The following KCNT2 variants were observed in gnomAD, a reference collection of about 807,000 sequenced individuals.
KCNT2 encodes the protein potassium sodium-activated channel subfamily T member 2, also known as potassium channel subfamily T member 2.
Under a neutral mutation model 153.8 loss-of-function variants are expected in KCNT2, and 67 were observed. The ratio of observed to expected loss-of-function variants is 0.44; its 90% CI spans 0.36 to 0.53. KCNT2 has a LOEUF of 0.53. Ranked by LOEUF, KCNT2 falls within the 20% of genes least tolerant of loss-of-function variation. The pLI is 0.00. For missense variants in KCNT2, 975 were observed against 1,354.8 expected, an observed-to-expected ratio of 0.72 and a Z score of 4.40; for synonymous variants, 500 against 458.8, an observed-to-expected ratio of 1.09 and a Z score of -1.15.
At chr1:196,402,809 G>A (rs1671529698) in intron 12 of KCNT2, among the ~76,000 whole-genome samples, 1 of 151,504 alleles carries the variant, frequency 6.6e-6, no homozygotes, top group Non-Finnish European at 1.5e-5. Context: ...CAGATTAGAA[G>A]AATGAAAAGA....
intron 1 of KCNT2, among the ~76,000 whole-genome samples, chr1:196,500,520 A>T (rs1680617019): frequency 6.6e-6 from 1 of 152,244 alleles, no homozygotes; most frequent in African/African-American, 2.4e-5. Context: ...CATTGTAAAT[A>T]ACAGATCCAC....
At chr1:196,437,704 A>C (rs1452206717) in intron 8 of KCNT2, among the ~76,000 whole-genome samples, 9 of 151,044 alleles carry the variant, frequency 6.0e-5, no homozygotes, top group Non-Finnish European at 1.5e-5. Flanking sequence ...TTTAAATAAT[A>C]ATAAAATCAT....
intron 4 of KCNT2, 106 bp from the exon 5 acceptor site, chr1:196,479,344 T>C: frequency 1.5e-6 from 1 of 648,914 alleles, no homozygotes; most frequent in Non-Finnish European, 2.7e-6. Flanking sequence ...TGTATACATA[T>C]ATGGGTGTAT....
intron 12 of KCNT2, among the ~76,000 whole-genome samples, chr1:196,415,129 CATGTATTCACCATACAGTCCCTACAAA>C: frequency 6.6e-6 from 1 of 151,968 alleles, no homozygotes; most frequent in Non-Finnish European, 1.5e-5. Context: ...ACCAAGCTCT[CATGTATTCACCATACAGTCCCTACAAA>C]ATGATACAAA....
intron 13 of KCNT2, among the ~76,000 whole-genome samples, chr1:196,382,403 G>A (rs976578777): frequency 1.3e-5 from 2 of 151,890 alleles, no homozygotes; most frequent in Non-Finnish European, 1.5e-5. Flanking sequence ...CACCGCGCCC[G>A]GCCTGTTTAA....
At chr1:196,430,809 A>C (rs1306306010) in intron 8 of KCNT2, among the ~76,000 whole-genome samples, 1 of 152,136 alleles carries the variant, frequency 6.6e-6, no homozygotes, top group African/African-American at 2.4e-5. Flanking sequence ...AAGCAAAGTG[A>C]GACTATGAAT....
intron 1 of KCNT2, among the ~76,000 whole-genome samples, chr1:196,585,681 A>C (rs1295441066): frequency 6.6e-6 from 1 of 152,112 alleles, no homozygotes; most frequent in African/African-American, 2.4e-5. Flanking sequence ...GGATTATTTT[A>C]GAGTATTTTT....
At chr1:196,302,952 G>C (rs1402311618) in intron 22 of KCNT2, among the ~76,000 whole-genome samples, 6 of 151,146 alleles carry the variant, frequency 4.0e-5, no homozygotes, top group Admixed American at 4.0e-4. Flanking sequence ...ATATGTTGAT[G>C]TATTGAGTTT....
Position 196,467,722 on chromosome 1 carries a change from T to C in KCNT2, c.524A>G (p.His175Arg), listed in dbSNP as rs774714840. The C allele has an allele frequency of 1.2e-6, 2 of 1,604,540 alleles. No individual in the cohort carries two copies. The highest frequency in any genetic ancestry group is 3.3e-5 in the Admixed American group (2 of 59,894). The change falls in exon 7 of 28, where the codon CAT (histidine) becomes CGT (arginine). Residue 175 changes from histidine (H) to arginine (R), a missense_variant. By Grantham distance (29) the His-to-Arg change is conservative (BLOSUM62 0). Coordinates refer to ENST00000294725, the MANE Select transcript of KCNT2 (RefSeq NM_198503.5). ...PVFLNCWLAK[H>R]ALENMINDLH... ...ACTTACAATCATATTTTCCAAGGCATGTTTGGCAAGCCAACAGTTCAGAAA... is the reference window on the plus strand; with the variant it reads ...ACTTACAATCATATTTTCCAAGGCACGTTTGGCAAGCCAACAGTTCAGAAA...
At chr1:196,237,483 C>T (rs1654547133) in intron 26 of KCNT2, among the ~76,000 whole-genome samples, 1 of 151,600 alleles carries the variant, frequency 6.6e-6, no homozygotes, top group Admixed American at 6.6e-5. Flanking sequence ...GGGATAGACA[C>T]AAGGAATTGT....
chr1:196,388,332 G>A lies in KCNT2; in HGVS notation c.1294+10231C>T, dbSNP rs116547454. Among the ~76,000 whole-genome samples, 1,301 of 151,718 alleles carry A rather than the reference G, an allele frequency of 8.6e-3. 17 individuals are homozygous for A. The highest frequency in any genetic ancestry group is 0.03 in the African/African-American group (1,251 of 41,468). ...TATTACAGTAAAGCTTCACAACAGA[G>A]GTACTACGGATATTCTGACATGAAT... is the stretch of plus-strand genomic sequence containing the variant. On this transcript the variant is annotated intron_variant, in intron 13 of 27. Coordinates refer to ENST00000294725, the MANE Select transcript of KCNT2 (RefSeq NM_198503.5).
intron 1 of KCNT2, among the ~76,000 whole-genome samples, chr1:196,569,388 C>G (rs927612603): frequency 1.3e-5 from 2 of 151,856 alleles, no homozygotes; most frequent in African/African-American, 4.8e-5. Flanking sequence ...TAAAAATGAC[C>G]TCATATTCTC....
At position 196,305,478 on chromosome 1, in the gene KCNT2, C is replaced by T. The variant is rs1252256000; in HGVS notation, c.2484-133G>A. ...CCAATTACAACAGCAGGCAGTGCCA[C>T]ATAAAATCTTCTATACAATGCAGGA... On this transcript the variant is annotated intron_variant, in intron 21 of 27. Coordinates refer to ENST00000294725, the MANE Select transcript of KCNT2 (RefSeq NM_198503.5). 5.2e-6 allele frequency: 3 copies of T among 577,444 alleles called. No homozygotes were observed. The Admixed American group carries it at 9.9e-5, about 19-fold the overall frequency. The allele number at this position is 577,444 out of a possible 1,614,324, so 35.8% of individuals were successfully genotyped here.
At chr1:196,371,289 T>C (rs1194375125) in intron 14 of KCNT2, among the ~76,000 whole-genome samples, 14 of 140,672 alleles carry the variant, frequency 1.0e-4, no homozygotes, top group Non-Finnish European at 2.1e-4. Context: ...CCAGCTACTG[T>C]GGAGGCTGCA....
intron 5 of KCNT2, among the ~76,000 whole-genome samples, chr1:196,472,641 T>G (rs556634663): frequency 6.6e-6 from 1 of 152,298 alleles, no homozygotes; most frequent in East Asian, 1.9e-4. Context: ...AAAGCAAAAC[T>G]TATGATTTGT....
chr1:196,362,143 A>T (rs1479942262), intron 14 of KCNT2, among the ~76,000 whole-genome samples: 1 of 152,054 alleles, frequency 6.6e-6, no homozygotes. Context: ...GCTTTCTTGC[A>T]GTCAGTGTGG....
intron 8 of KCNT2, among the ~76,000 whole-genome samples, chr1:196,430,416 C>G (rs1223189459): frequency 6.6e-6 from 1 of 151,762 alleles, no homozygotes; most frequent in Non-Finnish European, 1.5e-5. Flanking sequence ...CTTTCTCTCT[C>G]TCTTTCTCTC....
At chr1:196,430,020 T>C (rs920809614) in intron 8 of KCNT2, among the ~76,000 whole-genome samples, 1 of 152,100 alleles carries the variant, frequency 6.6e-6, no homozygotes, top group Non-Finnish European at 1.5e-5. Flanking sequence ...AATGAACAGA[T>C]AATTTCATGG....
intron 22 of KCNT2, among the ~76,000 whole-genome samples, chr1:196,289,920 T>TA (rs556150539): frequency 1.6e-4 from 24 of 152,192 alleles, no homozygotes; most frequent in African/African-American, 5.5e-4. Flanking sequence ...CACTTTTAAA[T>TA]GTTTGGTCTT....
Sources: gnomAD v4.1 joint callset for allele counts (sites outside exome capture counted in the v4.1 genomes callset) on GRCh38, gnomAD v4.1.1 for gene constraint, MANE v1.5 for transcripts, NCBI Gene and HGNC (gene_info 2026-07-23, HGNC 2026-07-21) for gene names.